VEGFC: variants seen among roughly 807,000 people sequenced by gnomAD.
VEGFC encodes FLT4 ligand DHM.
VEGFC carries 12 observed loss-of-function variants against 46.1 expected under a neutral mutation model. The observed-to-expected ratio is 0.26, with a 90% CI of 0.17 to 0.42. VEGFC has a LOEUF of 0.42. VEGFC is among the 10% of genes least tolerant of loss of function. VEGFC has a pLI of 1.00. For missense variants in VEGFC, 488 were observed against 529.4 expected (o/e 0.92, Z 0.77); for synonymous variants, 232 against 195.5 (o/e 1.19, Z -1.56).
At chr4:176,777,040 G>A (rs1166534777) in intron 1 of VEGFC, among the ~76,000 whole-genome samples, 1 of 152,190 alleles carries the variant, frequency 6.6e-6, no homozygotes, top group African/African-American at 2.4e-5. Flanking sequence ...CTGGCCGGGT[G>A]CGGTAGCTCA....
chr4:176,726,064 C>T (rs191119783), intron 3 of VEGFC, among the ~76,000 whole-genome samples: 24 of 151,998 alleles, frequency 1.6e-4, no homozygotes, highest in East Asian at 1.4e-3. Context: ...AAAACTATAA[C>T]GTCTTATTGT....
intron 2 of VEGFC, 52 bp downstream of exon 2, chr4:176,729,481 T>C: frequency 6.7e-7 from 1 of 1,497,396 alleles, no homozygotes; most frequent in Non-Finnish European, 9.0e-7. Context: ...GCTGGCAACT[T>C]CTACTGGTTT....
chr4:176,703,470 G>A (rs957265875), intron 4 of VEGFC, among the ~76,000 whole-genome samples: 2 of 152,064 alleles, frequency 1.3e-5, no homozygotes, highest in African/African-American at 4.8e-5. Flanking sequence ...TAGAGTCTGG[G>A]AAGTGTGGGT....
chr4:176,690,306 G>A (rs1189590447), intron 4 of VEGFC, among the ~76,000 whole-genome samples: 1 of 149,190 alleles, frequency 6.7e-6, no homozygotes, highest in East Asian at 2.0e-4. Context: ...AGTCAGAGAA[G>A]TTCTGTATCA....
At chr4:176,728,335 T>C (rs1463604395) in intron 2 of VEGFC, among the ~76,000 whole-genome samples, 1 of 152,194 alleles carries the variant, frequency 6.6e-6, no homozygotes, top group Non-Finnish European at 1.5e-5. Flanking sequence ...GTTCATTCTC[T>C]ATAGTATGGG....
At chr4:176,788,610 T>C (rs1018970749) in intron 1 of VEGFC, among the ~76,000 whole-genome samples, 10 of 152,210 alleles carry the variant, frequency 6.6e-5, no homozygotes, top group Admixed American at 4.6e-4. Flanking sequence ...CACGATCACA[T>C]GGCTGACTGG....
At chr4:176,717,168 A>G (rs906981964) in intron 3 of VEGFC, among the ~76,000 whole-genome samples, 1 of 152,176 alleles carries the variant, frequency 6.6e-6, no homozygotes, top group Non-Finnish European at 1.5e-5. Flanking sequence ...AAAAGTTGTA[A>G]TAATACAATT....
rs1031191652 is a variant in VEGFC, at chr4:176,716,898, C to T, written c.553-5248G>A. Among the ~76,000 whole-genome samples the T allele has an allele frequency of 1.6e-4, 24 of 150,488 alleles. 1 individual carries two copies. Among genetic ancestry groups the T allele is most frequent in the Non-Finnish European group, 5.9e-5 (4 of 67,738 alleles). On this transcript the variant is annotated intron_variant, in intron 3 of 6. Transcript: ENST00000618562. Reference sequence around the variant, plus strand: ...GATACTATTGTCAGACTATTTTGTGCTTTATTGTGTATATAATAGTATTTT... The same window carrying T: ...GATACTATTGTCAGACTATTTTGTGTTTTATTGTGTATATAATAGTATTTT...
intron 3 of VEGFC, among the ~76,000 whole-genome samples, chr4:176,725,700 A>G: frequency 6.6e-6 from 1 of 152,128 alleles, no homozygotes; most frequent in East Asian, 1.9e-4. Context: ...TAAATCATTA[A>G]CGGCATTCCA....
chr4:176,708,517 A>C (rs1215017909), intron 4 of VEGFC, among the ~76,000 whole-genome samples: 1 of 152,088 alleles, frequency 6.6e-6, no homozygotes, highest in East Asian at 1.9e-4. Flanking sequence ...AAATGTTTAT[A>C]AAAGGATCCT....
At chr4:176,692,821 T>A (rs1328983669) in intron 4 of VEGFC, among the ~76,000 whole-genome samples, 1 of 146,558 alleles carries the variant, frequency 6.8e-6, no homozygotes, top group Non-Finnish European at 1.5e-5. Context: ...CCCTGACCCC[T>A]GACCCCCGAG....
chr4:176,764,304 T>C (rs1303426911), intron 1 of VEGFC, among the ~76,000 whole-genome samples: 2 of 152,102 alleles, frequency 1.3e-5, no homozygotes, highest in African/African-American at 4.8e-5. Context: ...TTAACAAAAG[T>C]GAGACTGCCA....
intron 6 of VEGFC, 131 bp from the exon 7 acceptor site, chr4:176,684,171 T>C: frequency 1.4e-6 from 1 of 705,996 alleles, no homozygotes; most frequent in Non-Finnish European, 2.4e-6. Flanking sequence ...AAATTGTTCA[T>C]AGGTTTAAAA....
chr4:176,736,496 C>A (rs940841927), intron 1 of VEGFC, among the ~76,000 whole-genome samples: 1 of 151,562 alleles, frequency 6.6e-6, no homozygotes, highest in African/African-American at 2.4e-5. Flanking sequence ...AATAGATGCA[C>A]CTGCCTTGTA....
chr4:176,722,793 C>T (rs1734811083), intron 3 of VEGFC, among the ~76,000 whole-genome samples: 1 of 152,084 alleles, frequency 6.6e-6, no homozygotes, highest in Non-Finnish European at 1.5e-5. Context: ...AGCCACAGTG[C>T]CCAGCGAAGC....
At position 176,792,795 on chromosome 4, in the gene VEGFC, C is replaced by T. The variant is rs1046962433; in HGVS notation, c.-484G>A. 6.9e-6 allele frequency: 1 copy of T among 144,546 alleles called. No homozygotes were observed. The highest frequency in any genetic ancestry group is 1.9e-4 in the South Asian group (1 of 5,326). 9.0% of individuals were successfully genotyped at this position (144,546 alleles called of 1,614,324 possible). Reference sequence around the variant, plus strand: ...GCGGCGGGGGCGCTGGCGGCGGTGCCGGGGGCGGGAGGAGGGCGGCGGGGC... The same window carrying T: ...GCGGCGGGGGCGCTGGCGGCGGTGCTGGGGGCGGGAGGAGGGCGGCGGGGC... On this transcript the variant is annotated 5_prime_UTR_variant, in exon 1 of 7. Coordinates refer to ENST00000618562, the MANE Select transcript of VEGFC (RefSeq NM_005429.5). The surrounding 1 kb of genome is among the most constrained non-coding windows in gnomAD (Gnocchi z 6.3).
At chr4:176,730,876 A>G (rs973769103) in intron 1 of VEGFC, among the ~76,000 whole-genome samples, 3 of 151,996 alleles carry the variant, frequency 2.0e-5, no homozygotes, top group Non-Finnish European at 2.9e-5. Context: ...TATATTGAGA[A>G]ACATAATCTA....
rs531105582 is a variant in VEGFC at position 176,736,015 on chromosome 4, C to T, written c.148-6269G>A. Among the ~76,000 whole-genome samples, 60 of 151,834 alleles carry T rather than the reference C, an allele frequency of 4.0e-4. 1 individual carries two copies. Among genetic ancestry groups the T allele is most frequent in the African/African-American group, 1.4e-3 (58 of 41,460 alleles). On this transcript the variant is annotated intron_variant, in intron 1 of 6. Coordinates refer to ENST00000618562, the MANE Select transcript of VEGFC (RefSeq NM_005429.5). Reference sequence around the variant, plus strand: ...CCTGTTCATTCAAAAGCAAATTTACCTCATTACATGCTAGAAAAAAGACAC... The same window carrying T: ...CCTGTTCATTCAAAAGCAAATTTACTTCATTACATGCTAGAAAAAAGACAC...
chr4:176,693,123 T>C (rs990551822), intron 4 of VEGFC, among the ~76,000 whole-genome samples: 2 of 152,140 alleles, frequency 1.3e-5, no homozygotes, highest in Non-Finnish European at 2.9e-5. Flanking sequence ...CAAAGCTGGA[T>C]GGAGAATAAC....
Sources: gnomAD v4.1 joint callset for allele counts (sites outside exome capture counted in the v4.1 genomes callset) on GRCh38, gnomAD v4.1.1 for gene constraint, Gnocchi (gnomAD v3.1) non-coding constraint, MANE v1.5 for transcripts, NCBI Gene and HGNC (gene_info 2026-07-23, HGNC 2026-07-21) for gene names.